Variants in ROBO2 observed in about 807,000 individuals in gnomAD.
The protein encoded by ROBO2 is roundabout guidance receptor 2.
Under a neutral mutation model 160.8 loss-of-function variants are expected in ROBO2, and 53 were observed. That is an observed-to-expected ratio of 0.33 (90% CI 0.26 to 0.41). The LOEUF is 0.41. Among genes scored for constraint, ROBO2 ranks in the 10% least tolerant of loss-of-function variants. The probability of loss-of-function intolerance (pLI) is 1.00; values close to 1 mark genes in which losing one functional copy is unlikely to be tolerated. For missense variants in ROBO2, 1,577 were observed against 1,722.4 expected (o/e 0.92, Z 1.49); for synonymous variants, 664 against 611.7 (o/e 1.09, Z -1.26).
intron 2 of ROBO2, among the ~76,000 whole-genome samples, chr3:76,272,938 A>AT (rs1376413424): frequency 1.7e-4 from 4 of 23,314 alleles, no homozygotes; most frequent in South Asian, 1.5e-3. Context: ...TTATATATAA[A>AT]TATATAAAAT....
chr3:76,791,569 T>C (rs912695543), intron 2 of ROBO2, among the ~76,000 whole-genome samples: 1 of 151,082 alleles, frequency 6.6e-6, no homozygotes, highest in Non-Finnish European at 1.5e-5. Flanking sequence ...CCAACTAAAG[T>C]CTCTTGCCAA....
chr3:76,390,370 T>C (rs1218976171), intron 2 of ROBO2, among the ~76,000 whole-genome samples: 1 of 152,164 alleles, frequency 6.6e-6, no homozygotes, highest in Non-Finnish European at 1.5e-5. Context: ...CTATTCTGTA[T>C]GTATTTGCAT....
At chr3:77,195,140 T>C (rs1458753014) in intron 2 of ROBO2, among the ~76,000 whole-genome samples, 1 of 152,134 alleles carries the variant, frequency 6.6e-6, no homozygotes, top group African/African-American at 2.4e-5. Flanking sequence ...TACATTCAGG[T>C]AAATAGGACG....
chr3:76,993,778 T>A, intron 2 of ROBO2, among the ~76,000 whole-genome samples: 1 of 152,116 alleles, frequency 6.6e-6, no homozygotes, highest in East Asian at 1.9e-4. Flanking sequence ...GTGTTTTCAG[T>A]CTTAGGATAT....
intron 2 of ROBO2, among the ~76,000 whole-genome samples, chr3:76,656,344 G>C: frequency 6.6e-6 from 1 of 152,002 alleles, no homozygotes; most frequent in South Asian, 2.1e-4. Context: ...TATATCCTTC[G>C]TTCCCTGTAA....
intron 2 of ROBO2, among the ~76,000 whole-genome samples, chr3:75,946,600 G>A (rs1948302708): frequency 6.6e-6 from 1 of 152,002 alleles, no homozygotes; most frequent in South Asian, 2.1e-4. Flanking sequence ...TCTCTGAGGA[G>A]GTAATATTTC....
chr3:77,454,092 A>G (rs1209054919), intron 2 of ROBO2, among the ~76,000 whole-genome samples: 2 of 149,492 alleles, frequency 1.3e-5, no homozygotes, highest in East Asian at 3.9e-4. Context: ...CAAGATTAGC[A>G]TCTTCCTCAA....
chr3:76,508,146 T>G (rs2080893299), intron 2 of ROBO2, among the ~76,000 whole-genome samples: 1 of 152,184 alleles, frequency 6.6e-6, no homozygotes, highest in African/African-American at 2.4e-5. Flanking sequence ...TATAAATACA[T>G]GTACACAAAC....
intron 2 of ROBO2, among the ~76,000 whole-genome samples, chr3:76,897,653 A>G (rs1246277691): frequency 6.6e-6 from 1 of 152,030 alleles, no homozygotes; most frequent in East Asian, 1.9e-4. Context: ...TCCTTTGGTG[A>G]ATGTATGTTC....
intron 9 of ROBO2, 86 bp from the exon 11 acceptor site, chr3:77,562,565 A>G: frequency 1.1e-6 from 1 of 910,948 alleles, no homozygotes; most frequent in Non-Finnish European, 1.8e-6. Context: ...TAATTTTAAG[A>G]AATTAAATAT....
At chr3:77,113,202 T>C (rs9874194) in intron 2 of ROBO2, among the ~76,000 whole-genome samples, 79,787 of 151,986 alleles carry the variant, frequency 0.52, 21,470 homozygotes, top group African/African-American at 0.61. Context: ...CCAGGACCCA[T>C]GTGTCCAGAT....
At chr3:77,275,945 G>C (rs543784901) in intron 2 of ROBO2, among the ~76,000 whole-genome samples, 1 of 152,070 alleles carries the variant, frequency 6.6e-6, no homozygotes, top group Non-Finnish European at 1.5e-5. Flanking sequence ...ACTGGAACCC[G>C]CTTTTTCTCA....
chr3:76,841,451 A>C (rs570705961), intron 2 of ROBO2, among the ~76,000 whole-genome samples: 1 of 152,312 alleles, frequency 6.6e-6, no homozygotes, highest in East Asian at 1.9e-4. Context: ...CGTGTGGTAA[A>C]CTGGCCAATG....
chr3:77,050,612 A>T (rs2065128337), intron 1 of ROBO2, among the ~76,000 whole-genome samples: 1 of 150,696 alleles, frequency 6.6e-6, no homozygotes, highest in Admixed American at 6.6e-5. Context: ...CCCATGCAAA[A>T]TTGACTAAGA....
At chr3:76,748,258 T>G (rs2108173360) in intron 2 of ROBO2, among the ~76,000 whole-genome samples, 1 of 151,944 alleles carries the variant, frequency 6.6e-6, no homozygotes, top group South Asian at 2.1e-4. Context: ...ATTTAGTGGT[T>G]GATTGCTAAT....
intron 2 of ROBO2, among the ~76,000 whole-genome samples, chr3:76,603,352 ATATATATATAT>A (rs1352885199): frequency 3.1e-5 from 1 of 32,188 alleles, no homozygotes; most frequent in African/African-American, 1.8e-4. Flanking sequence ...AAAAAAAAAA[ATATATATATAT>A]ATATATATAT....
chr3:77,472,217 G>C (rs575697301), intron 2 of ROBO2, among the ~76,000 whole-genome samples: 1 of 152,004 alleles, frequency 6.6e-6, no homozygotes, highest in African/African-American at 2.4e-5. Context: ...AAGGTAAATC[G>C]CCAGGTCTAG....
chr3:76,785,319 T>A (rs562828899), intron 2 of ROBO2, among the ~76,000 whole-genome samples: 3 of 151,176 alleles, frequency 2.0e-5, no homozygotes, highest in Non-Finnish European at 3.0e-5. Context: ...CTGGGAGTCA[T>A]CAGGATCTGA....
intron 5 of ROBO2, among the ~76,000 whole-genome samples, chr3:77,507,113 C>T (rs1169228325): frequency 4.6e-5 from 7 of 152,148 alleles, no homozygotes; most frequent in Non-Finnish European, 7.4e-5. Flanking sequence ...GTCTGAACCT[C>T]ATTTTCAAAT....
Sources: gnomAD v4.1 joint callset for allele counts (sites outside exome capture counted in the v4.1 genomes callset) on GRCh38, gnomAD v4.1.1 for gene constraint, MANE v1.5 for transcripts, NCBI Gene and HGNC (gene_info 2026-07-23, HGNC 2026-07-21) for gene names.